The following SLC25A17 variants were observed in gnomAD, a reference collection of about 807,000 sequenced individuals.
SLC25A17 encodes the protein solute carrier family 25 member 17, also known as peroxisomal membrane protein PMP34.
A neutral mutation model predicts 38.5 loss-of-function variants in SLC25A17; 26 were observed. The observed-to-expected ratio is 0.68, with a 90% CI of 0.50 to 0.94. SLC25A17 has a LOEUF of 0.94. SLC25A17 is among the 40% of genes least tolerant of loss of function. The pLI, the probability that SLC25A17 is intolerant of heterozygous loss-of-function variation, is 0.00. For missense variants in SLC25A17, 333 were observed against 372.7 expected (o/e 0.89, Z 0.88); for synonymous variants, 139 against 136.2 (o/e 1.02, Z -0.14).
intron 3 of SLC25A17, among the ~76,000 whole-genome samples, chr22:40,793,181 T>G (rs752852503): frequency 6.6e-6 from 1 of 151,910 alleles, no homozygotes; most frequent in African/African-American, 2.4e-5. Flanking sequence ...CATTGAAAAA[T>G]AGACATTTCT....
At chr22:40,793,770 G>A (rs2057403921) in intron 3 of SLC25A17, among the ~76,000 whole-genome samples, 1 of 152,014 alleles carries the variant, frequency 6.6e-6, no homozygotes, top group South Asian at 2.1e-4. Flanking sequence ...GCGCTACCAC[G>A]CCCGGCTAAT....
chr22:40,773,970 C>G lies in SLC25A17; in HGVS notation c.743G>C (p.Arg248Pro). 1 of 1,613,192 alleles carries G rather than the reference C, an allele frequency of 6.2e-7. No individual in the cohort carries two copies. Among genetic ancestry groups the G allele is most frequent in the African/African-American group, 1.3e-5 (1 of 74,974 alleles). Residue 248 changes from arginine (R) to proline (P), a missense_variant, in exon 8 of 9, where the codon CGG becomes CCG. By Grantham distance (103) the Arg-to-Pro change is moderately radical. Transcript: ENST00000435456. ...NPENRTLGSL[R>P]NILYLLHQRV... The stretch of plus-strand genomic sequence containing the variant: ...TTGGTGAAGAAGATAGAGAATATTC[C>G]GAAGACTTCCCAATGTTCTGTTTTC...
chr22:40,793,501 T>A (rs9611416), intron 3 of SLC25A17, among the ~76,000 whole-genome samples: 5,461 of 152,270 alleles, frequency 0.036, 145 homozygotes, highest in Non-Finnish European at 0.058. Flanking sequence ...AGTCAAGATG[T>A]GATATCTTGA....
At chr22:40,784,828 G>C (rs1021078668) in intron 4 of SLC25A17, among the ~76,000 whole-genome samples, 5 of 148,934 alleles carry the variant, frequency 3.4e-5, no homozygotes, top group Non-Finnish European at 7.4e-5. Context: ...AAATAACCTT[G>C]AAGGTTTCTC....
intron 1 of SLC25A17, among the ~76,000 whole-genome samples, chr22:40,806,485 G>T (rs2057531167): frequency 6.6e-6 from 1 of 151,918 alleles, no homozygotes; most frequent in Non-Finnish European, 1.5e-5. Context: ...ATCCATTGGG[G>T]CCAGAAAGAA....
intron 4 of SLC25A17, among the ~76,000 whole-genome samples, chr22:40,788,506 C>T (rs914857727): frequency 4.6e-5 from 7 of 152,166 alleles, no homozygotes; most frequent in South Asian, 2.1e-4. Context: ...GCCTGACCAA[C>T]ATGGTGAAAC....
Position 40,779,096 on chromosome 22 carries a change from G to A in SLC25A17, c.364C>T (p.Leu122Phe). 1 of 1,614,200 alleles carries A rather than the reference G, an allele frequency of 6.2e-7. No homozygotes were observed. Among genetic ancestry groups the A allele is most frequent in the Non-Finnish European group, 8.5e-7 (1 of 1,180,038 alleles). The change falls in exon 5 of 9, where the codon CTC becomes TTC. Residue 122 changes from leucine to phenylalanine, a missense_variant. By Grantham distance (22) the Leu-to-Phe change is conservative. Coordinates refer to ENST00000435456, the MANE Select transcript of SLC25A17 (RefSeq NM_006358.4). ...TTCAGTCTGGTGTTTACCACCCAGA[G>A]TGGAGTTGTTAGCAACACATTAACC... is the stretch of plus-strand genomic sequence containing the variant. ...GVVNVLLTTP[L>F]WVVNTRLKLQ...
chr22:40,781,397 C>T (rs2057293377), intron 4 of SLC25A17, among the ~76,000 whole-genome samples: 1 of 152,130 alleles, frequency 6.6e-6, no homozygotes, highest in African/African-American at 2.4e-5. Flanking sequence ...AGGCGCCCGC[C>T]ACTGCGCCCG....
intron 3 of SLC25A17, among the ~76,000 whole-genome samples, chr22:40,793,223 A>G (rs1484074644): frequency 6.6e-6 from 1 of 152,182 alleles, no homozygotes; most frequent in Non-Finnish European, 1.5e-5. Flanking sequence ...AGATAAATAA[A>G]TGAAGGAGAA....
At chr22:40,779,578 G>C (rs778969472) in intron 4 of SLC25A17, 12 of 229,388 alleles carry the variant, frequency 5.2e-5, no homozygotes, top group Non-Finnish European at 9.5e-5. Context: ...AGTGAGTATG[G>C]ATATGGTACA....
intron 1 of SLC25A17, among the ~76,000 whole-genome samples, chr22:40,809,509 G>A (rs973509982): frequency 6.6e-6 from 1 of 151,812 alleles, no homozygotes; most frequent in Admixed American, 6.6e-5. Context: ...GTGCACGCCT[G>A]TAATCCCAGC....
intron 1 of SLC25A17, among the ~76,000 whole-genome samples, chr22:40,803,998 T>G (rs2057506983): frequency 6.6e-6 from 1 of 151,786 alleles, no homozygotes; most frequent in Non-Finnish European, 1.5e-5. Context: ...CCTTAGAGAG[T>G]TTTGATGTGA....
At chr22:40,785,338 C>A (rs1430815286) in intron 4 of SLC25A17, among the ~76,000 whole-genome samples, 2 of 152,312 alleles carry the variant, frequency 1.3e-5, no homozygotes, top group South Asian at 2.1e-4. Flanking sequence ...GAGCGGAGAT[C>A]GCGCCACTGC....
intron 4 of SLC25A17, chr22:40,780,060 G>A (rs1051346023): frequency 9.2e-5 from 14 of 152,258 alleles, no homozygotes; most frequent in South Asian, 2.1e-4. Flanking sequence ...AAGATCTGAA[G>A]AACCAAGAGA....
intron 1 of SLC25A17, among the ~76,000 whole-genome samples, chr22:40,817,811 C>A (rs2057657842): frequency 6.6e-6 from 1 of 152,054 alleles, no homozygotes; most frequent in South Asian, 2.1e-4. Context: ...ACAATTTGGC[C>A]CCCTGAAACC....
intron 4 of SLC25A17, among the ~76,000 whole-genome samples, chr22:40,781,551 G>C (rs1291518412): frequency 6.6e-6 from 1 of 152,074 alleles, no homozygotes; most frequent in Non-Finnish European, 1.5e-5. Flanking sequence ...GGCCTAAAAG[G>C]ATTCTTCTCA....
intron 8 of SLC25A17, 131 bp from the exon 9 acceptor site, chr22:40,771,112 A>T: frequency 4.8e-6 from 4 of 833,152 alleles, no homozygotes; most frequent in Non-Finnish European, 6.9e-6. Context: ...TTGTCAAAGT[A>T]CTTTCCTTTT....
intron 4 of SLC25A17, chr22:40,784,605 C>T (rs1196329030): frequency 8.6e-6 from 2 of 233,538 alleles, no homozygotes; most frequent in Non-Finnish European, 9.2e-6. Context: ...AGACCCCCAT[C>T]TGTACAAAAA....
intron 1 of SLC25A17, among the ~76,000 whole-genome samples, chr22:40,802,571 G>A (rs2057492846): frequency 1.3e-5 from 2 of 152,134 alleles, no homozygotes; most frequent in African/African-American, 4.8e-5. Flanking sequence ...CTTGAACCCG[G>A]GAGGCGGAGG....
Sources: gnomAD v4.1 joint callset for allele counts (sites outside exome capture counted in the v4.1 genomes callset) on GRCh38, gnomAD v4.1.1 for gene constraint, MANE v1.5 for transcripts, NCBI Gene and HGNC (gene_info 2026-07-23, HGNC 2026-07-21) for gene names.